Variants in TSHR observed in about 807,000 individuals in gnomAD.
TSHR encodes the protein thyrotropin receptor.
Under a neutral mutation model 64.1 loss-of-function variants are expected in TSHR, and 51 were observed. The ratio of observed to expected loss-of-function variants is 0.80; its 90% CI spans 0.64 to 1.01. TSHR has a LOEUF of 1.01. Ranked by LOEUF, TSHR falls within the 50% of genes least tolerant of loss-of-function variation. The pLI is 0.00. For missense variants in TSHR, 877 were observed against 942.8 expected, an observed-to-expected ratio of 0.93 and a Z score of 0.91; for synonymous variants, 361 against 361.9, an observed-to-expected ratio of 1.00 and a Z score of 0.03.
At chr14:81,105,801 G>A (rs1889852343) in intron 7 of TSHR, among the ~76,000 whole-genome samples, 1 of 152,180 alleles carries the variant, frequency 6.6e-6, no homozygotes, top group Admixed American at 6.5e-5. Context: ...GAGTTCACCG[G>A]CTCTTACTTG....
At chr14:81,078,656 A>G (rs1887671759) in intron 3 of TSHR, 1 of 152,168 alleles carries the variant, frequency 6.6e-6, no homozygotes, top group Non-Finnish European at 1.5e-5. Flanking sequence ...GGCAGCTTTT[A>G]CTTTATATCC....
intron 1 of TSHR, among the ~76,000 whole-genome samples, chr14:81,030,481 G>T (rs1455540089): frequency 6.6e-6 from 1 of 152,102 alleles, no homozygotes; most frequent in East Asian, 1.9e-4. Context: ...TATATAGGAT[G>T]AAATATTTAA....
chr14:81,035,150 T>A (rs1381992256), intron 1 of TSHR, among the ~76,000 whole-genome samples: 1 of 152,166 alleles, frequency 6.6e-6, no homozygotes, highest in Admixed American at 6.5e-5. Context: ...TCTTGGAGTT[T>A]AAGAGTTGAA....
At chr14:81,018,013 T>C (rs989078500) in intron 1 of TSHR, among the ~76,000 whole-genome samples, 3 of 152,030 alleles carry the variant, frequency 2.0e-5, no homozygotes, top group Non-Finnish European at 4.4e-5. Flanking sequence ...GTATTGTTAG[T>C]AGAGATGAGG....
intron 3 of TSHR, among the ~76,000 whole-genome samples, chr14:81,072,375 T>G (rs1887135633): frequency 6.6e-6 from 1 of 152,160 alleles, no homozygotes; most frequent in East Asian, 1.9e-4. Context: ...CTAAAGGTCT[T>G]TGAATTATCT....
chr14:81,034,430 C>G (rs1884518556), intron 1 of TSHR, among the ~76,000 whole-genome samples: 1 of 152,236 alleles, frequency 6.6e-6, no homozygotes, highest in Non-Finnish European at 1.5e-5. Flanking sequence ...AGTTTGACAC[C>G]AGCCTGGGCA....
chr14:80,984,296 G>A (rs1294822950), intron 1 of TSHR, among the ~76,000 whole-genome samples: 1 of 152,132 alleles, frequency 6.6e-6, no homozygotes, highest in Non-Finnish European at 1.5e-5. Context: ...CTCTTAAATT[G>A]TCAGGCTGTT....
chr14:81,141,246 C>T (rs1315115043), intron 9 of TSHR, among the ~76,000 whole-genome samples: 6 of 152,122 alleles, frequency 3.9e-5, no homozygotes, highest in East Asian at 1.9e-4. Flanking sequence ...TGATGCCATG[C>T]GGCATTGAGA....
intron 4 of TSHR, among the ~76,000 whole-genome samples, chr14:81,089,603 A>G (rs967815942): frequency 1.3e-5 from 2 of 152,156 alleles, no homozygotes; most frequent in African/African-American, 4.8e-5. Context: ...AGAGACATAT[A>G]CAGTGTTTGG....
intron 1 of TSHR, among the ~76,000 whole-genome samples, chr14:80,957,139 C>G (rs988877414): frequency 3.3e-5 from 5 of 152,156 alleles, no homozygotes; most frequent in Admixed American, 3.3e-4. Context: ...CCTTGCCTTT[C>G]TTCCCACTTT....
At chr14:81,115,716 GAC>G (rs1309866326) in intron 8 of TSHR, among the ~76,000 whole-genome samples, 1 of 151,906 alleles carries the variant, frequency 6.6e-6, no homozygotes, top group Non-Finnish European at 1.5e-5. Flanking sequence ...GCAACTCCAA[GAC>G]ACATAATTGT....
intron 1 of TSHR, among the ~76,000 whole-genome samples, chr14:80,974,669 G>A (rs1446426500): frequency 6.6e-6 from 1 of 152,166 alleles, no homozygotes; most frequent in Non-Finnish European, 1.5e-5. Flanking sequence ...AAGGTCTAAT[G>A]TACTTGTGAA....
chr14:81,130,518 T>C (rs993853461), intron 8 of TSHR, among the ~76,000 whole-genome samples: 2 of 152,206 alleles, frequency 1.3e-5, no homozygotes, highest in African/African-American at 4.8e-5. Context: ...GCTCTTCTTC[T>C]TCTTCTTCCT....
At chr14:81,102,065 G>C (rs528173840) in intron 7 of TSHR, among the ~76,000 whole-genome samples, 2 of 151,866 alleles carry the variant, frequency 1.3e-5, no homozygotes. Flanking sequence ...CCAGCTACTC[G>C]GGAGGCTGAG....
At chr14:81,113,007 G>C in intron 8 of TSHR, among the ~76,000 whole-genome samples, 1 of 152,162 alleles carries the variant, frequency 6.6e-6, no homozygotes, top group East Asian at 1.9e-4. Context: ...TTTAGATAGA[G>C]GGGAAGCCAT....
intron 4 of TSHR, among the ~76,000 whole-genome samples, chr14:81,090,520 C>T (rs191377529): frequency 2.8e-4 from 43 of 152,334 alleles, no homozygotes; most frequent in Admixed American, 2.0e-4. Context: ...GGATTATAGG[C>T]GTGAGCCCCT....
chr14:80,959,053 T>A (rs1886871826), intron 1 of TSHR, among the ~76,000 whole-genome samples: 1 of 152,184 alleles, frequency 6.6e-6, no homozygotes, highest in Non-Finnish European at 1.5e-5. Flanking sequence ...GGTAAACAGC[T>A]CTCTTGCCCT....
chr14:81,041,384 TA>T (rs1220733109), intron 1 of TSHR, among the ~76,000 whole-genome samples: 1 of 152,090 alleles, frequency 6.6e-6, no homozygotes, highest in Non-Finnish European at 1.5e-5. Flanking sequence ...TGGATGAAGC[TA>T]GGGGCAATTA....
At chr14:80,979,371 A>G (rs1324920188) in intron 1 of TSHR, among the ~76,000 whole-genome samples, 4 of 152,102 alleles carry the variant, frequency 2.6e-5, no homozygotes, top group Admixed American at 6.5e-5. Context: ...TGCAGAGGGT[A>G]GGGGGAGGAA....
Sources: gnomAD v4.1 joint callset for allele counts (sites outside exome capture counted in the v4.1 genomes callset) on GRCh38, gnomAD v4.1.1 for gene constraint, MANE v1.5 for transcripts, NCBI Gene and HGNC (gene_info 2026-07-23, HGNC 2026-07-21) for gene names.